Variants in FRMD6 observed in about 807,000 individuals in gnomAD.
FRMD6 encodes the protein FERM domain-containing protein 6.
A neutral mutation model predicts 73.2 loss-of-function variants in FRMD6; 37 were observed. The ratio of observed to expected loss-of-function variants is 0.51; its 90% CI spans 0.39 to 0.66. The LOEUF (loss-of-function observed/expected upper bound fraction) is 0.66, where lower values mean the gene tolerates loss of function less well. Ranked by LOEUF, FRMD6 falls within the 30% of genes least tolerant of loss-of-function variation. The pLI, the probability that FRMD6 is intolerant of heterozygous loss-of-function variation, is 0.00. For missense variants in FRMD6, 714 were observed against 780.5 expected (o/e 0.91, Z 1.02); for synonymous variants, 273 against 282.2 (o/e 0.97, Z 0.33).
At chr14:51,524,285 G>T (rs1353465973) in intron 1 of FRMD6, among the ~76,000 whole-genome samples, 1 of 151,928 alleles carries the variant, frequency 6.6e-6, no homozygotes, top group Non-Finnish European at 1.5e-5. Context: ...AACTTATAAA[G>T]ATTTTAAAAT....
At chr14:51,610,338 TAAA>T (rs5808625) in intron 2 of FRMD6, among the ~76,000 whole-genome samples, 60 of 142,366 alleles carry the variant, frequency 4.2e-4, no homozygotes, top group African/African-American at 9.3e-4. Flanking sequence ...CCTTTTTTTT[TAAA>T]AAAAAAAAAA....
At chr14:51,727,291 G>A (rs1898022835) in intron 13 of FRMD6, among the ~76,000 whole-genome samples, 1 of 148,182 alleles carries the variant, frequency 6.7e-6, no homozygotes, top group African/African-American at 2.5e-5. Flanking sequence ...TAAAAGGTCT[G>A]AATTGCCATA....
chr14:51,544,729 A>G (rs1886376559), intron 1 of FRMD6, among the ~76,000 whole-genome samples: 1 of 151,994 alleles, frequency 6.6e-6, no homozygotes, highest in Middle Eastern at 3.2e-3. Flanking sequence ...TTGGAATGAA[A>G]TAATAAACAA....
intron 1 of FRMD6, among the ~76,000 whole-genome samples, chr14:51,490,662 A>G (rs574199617): frequency 7.1e-6 from 1 of 141,374 alleles, no homozygotes; most frequent in African/African-American, 2.5e-5. Flanking sequence ...CTTCTTTAGT[A>G]ACCTTTACCT....
At chr14:51,587,573 G>T (rs1164016779) in intron 2 of FRMD6, among the ~76,000 whole-genome samples, 2 of 152,168 alleles carry the variant, frequency 1.3e-5, no homozygotes, top group Admixed American at 6.5e-5. Context: ...AGCTGCATTT[G>T]TGTGTGCTTG....
intron 1 of FRMD6, chr14:51,522,734 A>G (rs1169942853): frequency 6.6e-6 from 1 of 152,228 alleles, no homozygotes; most frequent in Non-Finnish European, 1.5e-5. Context: ...TATGTTGGAA[A>G]TGTCTTCAGC....
rs529775601 is a variant in FRMD6 at position 51,512,634 on chromosome 14, G to A, written c.-210+23214G>A. On this transcript the variant is annotated intron_variant, in intron 1 of 14. Transcript: ENST00000356218. ...TCTTTCTCTTTTTTTTTTTTGTGGG[G>A]GATGGATAAAAAGAACTAAAGTCTG... Among the ~76,000 whole-genome samples, 667 of 151,752 alleles carry A rather than the reference G, an allele frequency of 4.4e-3. 2 individuals carry two copies. The highest frequency in any genetic ancestry group is 0.016 in the African/African-American group (644 of 41,386).
intron 1 of FRMD6, among the ~76,000 whole-genome samples, chr14:51,522,289 G>A (rs1462072422): frequency 6.6e-6 from 1 of 152,146 alleles, no homozygotes; most frequent in Non-Finnish European, 1.5e-5. Context: ...TTTGGGTTAT[G>A]AATGACATGT....
At chr14:51,599,082 T>TG (rs1889885203) in intron 2 of FRMD6, among the ~76,000 whole-genome samples, 1 of 125,754 alleles carries the variant, frequency 8.0e-6, no homozygotes, top group Non-Finnish European at 1.8e-5. Context: ...TTTTTTTTTT[T>TG]TTTAGTAATA....
chr14:51,499,601 G>A, intron 1 of FRMD6, among the ~76,000 whole-genome samples: 1 of 152,350 alleles, frequency 6.6e-6, no homozygotes, highest in Non-Finnish European at 1.5e-5. Context: ...AGGCAGCCCA[G>A]CTCCGAGGTC....
chr14:51,716,047 G>T (rs1182246967), intron 10 of FRMD6, among the ~76,000 whole-genome samples: 1 of 152,180 alleles, frequency 6.6e-6, no homozygotes, highest in African/African-American at 2.4e-5. Flanking sequence ...GAAGTCAGCT[G>T]GTCCTGTGGG....
intron 1 of FRMD6, among the ~76,000 whole-genome samples, chr14:51,537,121 A>G (rs1885942713): frequency 6.6e-6 from 1 of 152,232 alleles, no homozygotes; most frequent in South Asian, 2.1e-4. Context: ...TGTATCCACC[A>G]TTGTAGTATC....
intron 2 of FRMD6, among the ~76,000 whole-genome samples, chr14:51,577,366 G>C (rs747355529): frequency 1.3e-5 from 2 of 151,854 alleles, no homozygotes; most frequent in Non-Finnish European, 2.9e-5. Context: ...CCATTCAACC[G>C]TGTTTCATCT....
chr14:51,473,756 C>G, the FRMD6 span, among the ~76,000 whole-genome samples: 1 of 152,038 alleles, frequency 6.6e-6, no homozygotes, highest in African/African-American at 2.4e-5. Context: ...GCAGGAGCAT[C>G]TTTATCTCCC....
the FRMD6 span, chr14:51,436,800 G>A: frequency 1.9e-6 from 1 of 540,230 alleles, no homozygotes; most frequent in Non-Finnish European, 3.3e-6. Flanking sequence ...GAAGGAGAAG[G>A]AGAAGATGAT....
At chr14:51,439,918 G>T in the FRMD6 span, among the ~76,000 whole-genome samples, 2 of 152,014 alleles carry the variant, frequency 1.3e-5, no homozygotes, top group Admixed American at 1.3e-4. Context: ...TTGTAATTTT[G>T]TATTTTTTTT....
intron 1 of FRMD6, among the ~76,000 whole-genome samples, chr14:51,554,234 AC>A (rs1268713432): frequency 6.6e-6 from 1 of 152,236 alleles, no homozygotes; most frequent in Non-Finnish European, 1.5e-5. Flanking sequence ...ATCTCAAAAT[AC>A]AAAATAAATA....
At chr14:51,523,571 T>C (rs1453194457) in intron 1 of FRMD6, among the ~76,000 whole-genome samples, 2 of 152,216 alleles carry the variant, frequency 1.3e-5, no homozygotes, top group Non-Finnish European at 2.9e-5. Context: ...GTTGCTCCTG[T>C]AAGTGTATGC....
the FRMD6 span, among the ~76,000 whole-genome samples, chr14:51,453,604 T>C: frequency 8.7e-4 from 133 of 152,268 alleles, no homozygotes; most frequent in Non-Finnish European, 9.4e-4. Context: ...ATTGAGGGGA[T>C]TATCAAATTA....
Sources: gnomAD v4.1 joint callset for allele counts (sites outside exome capture counted in the v4.1 genomes callset) on GRCh38, gnomAD v4.1.1 for gene constraint, MANE v1.5 for transcripts, NCBI Gene and HGNC (gene_info 2026-07-23, HGNC 2026-07-21) for gene names.